The following TCF4 variants were observed in gnomAD, a reference collection of about 807,000 sequenced individuals.
TCF4 encodes SL3-3 enhancer factor 2.
TCF4 carries 3 observed loss-of-function variants against 82.1 expected under a neutral mutation model. That is an observed-to-expected ratio of 0.04 (90% CI 0.02 to 0.09). The LOEUF is 0.09. Ranked by LOEUF, TCF4 falls within the 10% of genes least tolerant of loss-of-function variation. The probability of loss-of-function intolerance (pLI) is 1.00; values close to 1 mark genes in which losing one functional copy is unlikely to be tolerated. For missense variants in TCF4, 518 were observed against 852.7 expected, an observed-to-expected ratio of 0.61 and a Z score of 4.89; for synonymous variants, 276 against 309.6, an observed-to-expected ratio of 0.89 and a Z score of 1.14.
chr18:55,260,687 T>A (rs2057868740), intron 12 of TCF4, among the ~76,000 whole-genome samples: 1 of 151,818 alleles, frequency 6.6e-6, no homozygotes, highest in Non-Finnish European at 1.5e-5. Flanking sequence ...GTCTCCGGAG[T>A]AGCTGGGATT....
At chr18:55,448,713 T>C (rs2095568906) in intron 5 of TCF4, among the ~76,000 whole-genome samples, 1 of 152,230 alleles carries the variant, frequency 6.6e-6, no homozygotes, top group Admixed American at 6.5e-5. Flanking sequence ...ACTACAGTTG[T>C]AGAGATAGTG....
intron 15 of TCF4, among the ~76,000 whole-genome samples, chr18:55,251,290 T>C (rs1193811769): frequency 6.6e-6 from 1 of 151,648 alleles, no homozygotes; most frequent in Non-Finnish European, 1.5e-5. Flanking sequence ...TATACAAACA[T>C]TCGCTCTTGT....
intron 3 of TCF4, among the ~76,000 whole-genome samples, chr18:55,507,311 AT>A: frequency 6.6e-6 from 1 of 152,236 alleles, no homozygotes; most frequent in Non-Finnish European, 1.5e-5. Context: ...GAGCACTGCC[AT>A]AGTAACAGTC....
intron 3 of TCF4, among the ~76,000 whole-genome samples, chr18:55,574,735 T>A (rs2097511431): frequency 6.6e-6 from 1 of 152,194 alleles, no homozygotes; most frequent in Admixed American, 6.5e-5. Flanking sequence ...TGAAATTTGT[T>A]GTTCTTTGTA....
chr18:55,508,710 CT>C (rs1286961180), intron 3 of TCF4, among the ~76,000 whole-genome samples: 2 of 152,138 alleles, frequency 1.3e-5, no homozygotes, highest in African/African-American at 4.8e-5. Flanking sequence ...CACACTTGCT[CT>C]TTAATTATAA....
At chr18:55,323,474 G>A (rs1037753067) in intron 8 of TCF4, among the ~76,000 whole-genome samples, 1 of 151,786 alleles carries the variant, frequency 6.6e-6, no homozygotes, top group Non-Finnish European at 1.5e-5. Flanking sequence ...CACACACACC[G>A]CACATCCACA....
chr18:55,588,639 A>C, upstream of TCF4: 1 of 1,413,738 alleles, frequency 7.1e-7, no homozygotes, highest in Non-Finnish European at 9.2e-7. Context: ...CGGCAAAGCA[A>C]GTTTATACTA....
rs189127091 is a variant in TCF4 at position 55,379,228 on chromosome 18, G to C, written c.369+24226C>G. 5.8e-4 allele frequency among the ~76,000 whole-genome samples: 89 copies of C among 152,276 alleles called. 1 individual carries two copies. Among genetic ancestry groups the C allele is most frequent in the African/African-American group, 2.0e-3 (84 of 41,556 alleles). ...CATCTTAGCAGGGGTCGGGTAGGTG[G>C]AGGGTGCGAAAGGAAGGCTGAAAAA... is the stretch of plus-strand genomic sequence containing the variant. On this transcript the variant is annotated intron_variant, in intron 6 of 19. Coordinates refer to ENST00000354452, the MANE Select transcript of TCF4 (RefSeq NM_001083962.2).
At chr18:55,324,929 A>G (rs1238573323) in intron 8 of TCF4, among the ~76,000 whole-genome samples, 2 of 152,232 alleles carry the variant, frequency 1.3e-5, no homozygotes, top group Admixed American at 6.5e-5. Flanking sequence ...TCTAGAATCT[A>G]AAGTTTACAG....
intron 8 of TCF4, among the ~76,000 whole-genome samples, chr18:55,348,786 A>G (rs1478766207): frequency 1.3e-5 from 2 of 152,188 alleles, no homozygotes; most frequent in African/African-American, 4.8e-5. Context: ...TTGAATATGA[A>G]GCATAAGGAG....
intron 8 of TCF4, among the ~76,000 whole-genome samples, chr18:55,303,269 C>CA (rs2068992944): frequency 2.6e-5 from 3 of 115,690 alleles, no homozygotes; most frequent in African/African-American, 9.5e-5. Context: ...ACACACACAC[C>CA]CCTACACACC....
chr18:55,335,470 G>A (rs1409117637), intron 8 of TCF4, among the ~76,000 whole-genome samples: 1 of 152,142 alleles, frequency 6.6e-6, no homozygotes, highest in East Asian at 1.9e-4. Context: ...AGCTGTTTAT[G>A]CTTTCAACTC....
chr18:55,464,042 T>C (rs199779446), intron 4 of TCF4, 34 bp downstream of exon 4: 19 of 1,602,442 alleles, frequency 1.2e-5, no homozygotes, highest in Middle Eastern at 3.3e-4. Context: ...ATGTGGGATG[T>C]CTGGTTGTGG....
chr18:55,341,546 G>C (rs1264905418), intron 8 of TCF4, among the ~76,000 whole-genome samples: 1 of 152,110 alleles, frequency 6.6e-6, no homozygotes, highest in Non-Finnish European at 1.5e-5. Flanking sequence ...AAGGCCACTG[G>C]GTGTGTAAGT....
At chr18:55,319,322 G>C (rs918185571) in intron 8 of TCF4, among the ~76,000 whole-genome samples, 3 of 152,260 alleles carry the variant, frequency 2.0e-5, no homozygotes, top group Admixed American at 6.5e-5. Context: ...AGAGCCAGCA[G>C]AATACACACT....
intron 6 of TCF4, among the ~76,000 whole-genome samples, chr18:55,394,575 G>C (rs1177176284): frequency 6.6e-6 from 1 of 152,058 alleles, no homozygotes; most frequent in Admixed American, 6.6e-5. Context: ...GGCGAAAGTC[G>C]CTCTCCCGCC....
chr18:55,616,442 A>G (rs897967730), intron 2 of TCF4, among the ~76,000 whole-genome samples: 2 of 152,040 alleles, frequency 1.3e-5, no homozygotes, highest in African/African-American at 4.8e-5. Context: ...TTGAATATCA[A>G]TTTGAGATCC....
At chr18:55,601,859 CTT>C (rs1336363579) in intron 2 of TCF4, among the ~76,000 whole-genome samples, 1 of 152,158 alleles carries the variant, frequency 6.6e-6, no homozygotes, top group Non-Finnish European at 1.5e-5. Context: ...TGATTGTAAA[CTT>C]CTCTCATGGA....
intron 3 of TCF4, among the ~76,000 whole-genome samples, chr18:55,557,258 CACACAG>C (rs924224823): frequency 9.2e-4 from 137 of 148,900 alleles, no homozygotes; most frequent in African/African-American, 3.1e-3. Context: ...GACACACAGA[CACACAG>C]ACACAGACAC....
Sources: gnomAD v4.1 joint callset for allele counts (sites outside exome capture counted in the v4.1 genomes callset) on GRCh38, gnomAD v4.1.1 for gene constraint, MANE v1.5 for transcripts, NCBI Gene and HGNC (gene_info 2026-07-23, HGNC 2026-07-21) for gene names.